GAD1: variants seen among roughly 807,000 people sequenced by gnomAD.
The protein encoded by GAD1 is 67 kDa glutamic acid decarboxylase.
In GAD1, 35 loss-of-function variants were observed where a neutral mutation model predicts 75.2. The ratio of observed to expected loss-of-function variants is 0.47; its 90% CI spans 0.36 to 0.62. The LOEUF (loss-of-function observed/expected upper bound fraction) is 0.62, where lower values mean the gene tolerates loss of function less well. Ranked by LOEUF, GAD1 falls within the 20% of genes least tolerant of loss-of-function variation. The pLI is 0.00. For synonymous variants in GAD1, 257 were observed against 271.9 expected (o/e 0.95, Z 0.54); for missense variants, 490 against 758.5 (o/e 0.65, Z 4.16).
chr2:170,822,712 A>G (rs1701921886), intron 3 of GAD1, among the ~76,000 whole-genome samples: 1 of 152,214 alleles, frequency 6.6e-6, no homozygotes, highest in Non-Finnish European at 1.5e-5. Context: ...TTGCCCTGAG[A>G]TGTCATAACG....
intron 15 of GAD1, 137 bp downstream of exon 15, chr2:170,857,262 CT>C (rs1402904634): frequency 3.0e-6 from 2 of 660,594 alleles, no homozygotes; most frequent in Non-Finnish European, 5.4e-6. Flanking sequence ...CTTATACACT[CT>C]TAATTCCTCT....
chr2:170,845,862 A>G, intron 9 of GAD1, 77 bp downstream of exon 9: 1 of 1,500,920 alleles, frequency 6.7e-7, no homozygotes, highest in Non-Finnish European at 9.3e-7. Context: ...TATTGTGCTT[A>G]AGGACTGGCT....
At chr2:170,815,704 A>G (rs1300870329), upstream of GAD1, among the ~76,000 whole-genome samples, 1 of 152,206 alleles carries the variant, frequency 6.6e-6, no homozygotes, top group Admixed American at 6.5e-5. Context: ...ACGCACAGAC[A>G]TCAACATTTT....
At chr2:170,817,221 A>AG (rs1559264470) in intron 1 of GAD1, 173 bp downstream of exon 1, 1 of 10,484 alleles carries the variant, frequency 9.5e-5, no homozygotes, top group Admixed American at 1.2e-3. Flanking sequence ...TGCGCTGCGC[A>AG]GGGACCCCCC....
At chr2:170,822,639 C>T (rs1701919433) in intron 3 of GAD1, among the ~76,000 whole-genome samples, 1 of 152,284 alleles carries the variant, frequency 6.6e-6, no homozygotes, top group African/African-American at 2.4e-5. Context: ...GCCTACCCCT[C>T]ACTCGCACCT....
At chr2:170,824,489 T>A (rs1701978180) in intron 3 of GAD1, among the ~76,000 whole-genome samples, 1 of 151,786 alleles carries the variant, frequency 6.6e-6, no homozygotes, top group Admixed American at 6.6e-5. Flanking sequence ...CCAGGTTGGT[T>A]TACCCTTTCA....
chr2:170,818,431 G>C lies in GAD1; in HGVS notation c.-63-98G>C. 2 of 721,218 alleles carry C rather than the reference G, an allele frequency of 2.8e-6. No individual in the cohort carries two copies. Among genetic ancestry groups the C allele is most frequent in the South Asian group, 3.1e-5 (2 of 65,490 alleles). The allele number at this position is 721,218 out of a possible 1,614,324, so 44.7% of individuals were successfully genotyped here. ...CCTCCCTCTTGTCTCTCCAGAGCCGGATCTTCAAGGGGAGCCTCCGTGCCC... is the reference window on the plus strand; with the variant it reads ...CCTCCCTCTTGTCTCTCCAGAGCCGCATCTTCAAGGGGAGCCTCCGTGCCC... On this transcript the variant is annotated intron_variant, in intron 1 of 16. Transcript: ENST00000358196. The surrounding 1 kb of genome is among the most constrained non-coding windows in gnomAD (Gnocchi z 5.9).
chr2:170,823,547 C>G (rs1313066312), intron 3 of GAD1, among the ~76,000 whole-genome samples: 1 of 152,190 alleles, frequency 6.6e-6, no homozygotes, highest in Non-Finnish European at 1.5e-5. Context: ...GGCCTTCTCC[C>G]CAGCGCAGGA....
chr2:170,830,901 A>C, intron 4 of GAD1, 49 bp from the exon 5 acceptor site: 1 of 1,613,662 alleles, frequency 6.2e-7, no homozygotes, highest in Non-Finnish European at 8.5e-7. Context: ...GGCTGAAGAA[A>C]TCTAGATATG....
chr2:170,856,203 G>A (rs1384795729), intron 14 of GAD1, among the ~76,000 whole-genome samples: 1 of 152,196 alleles, frequency 6.6e-6, no homozygotes, highest in Non-Finnish European at 1.5e-5. Context: ...TGCTCTCCTT[G>A]TTAACACCGA....
upstream of GAD1, among the ~76,000 whole-genome samples, chr2:170,814,030 C>A (rs778957356): frequency 6.6e-6 from 1 of 152,146 alleles, no homozygotes; most frequent in Non-Finnish European, 1.5e-5. Context: ...ATCACCGGTT[C>A]GAGTCCCCGG....
chr2:170,860,031 T>G lies in GAD1; in HGVS notation c.*149T>G, dbSNP rs1002002135. The G allele has an allele frequency of 2.5e-6, 2 of 797,936 alleles. No homozygotes were observed. The highest frequency in any genetic ancestry group is 3.4e-5 in the African/African-American group (2 of 58,294). The allele number at this position is 797,936 out of a possible 1,614,324, so 49.4% of individuals were successfully genotyped here. Reference sequence around the variant, plus strand: ...ATATTGTTAAAACCTTACTTAAAGCTTGTTTGTTCTAGTTAGCAGGAAATA... The same window carrying G: ...ATATTGTTAAAACCTTACTTAAAGCGTGTTTGTTCTAGTTAGCAGGAAATA... On this transcript the variant is annotated 3_prime_UTR_variant, in exon 17 of 17. Coordinates refer to ENST00000358196, the MANE Select transcript of GAD1 (RefSeq NM_000817.3).
intron 3 of GAD1, among the ~76,000 whole-genome samples, chr2:170,827,620 G>C (rs1340348219): frequency 6.6e-6 from 1 of 152,194 alleles, no homozygotes; most frequent in Non-Finnish European, 1.5e-5. Context: ...CCGAGGGGCA[G>C]AGGTGAGGCA....
At chr2:170,857,694 A>G (rs910152005) in intron 15 of GAD1, among the ~76,000 whole-genome samples, 8 of 152,240 alleles carry the variant, frequency 5.3e-5, no homozygotes, top group African/African-American at 1.9e-4. Context: ...GACTTGTTCT[A>G]AAATAAGGTT....
intron 3 of GAD1, among the ~76,000 whole-genome samples, chr2:170,824,654 G>A (rs1701982048): frequency 6.6e-6 from 1 of 152,132 alleles, no homozygotes; most frequent in East Asian, 1.9e-4. Flanking sequence ...AAGCTGCAAG[G>A]AAGGCCCTGG....
intron 16 of GAD1, 72 bp from the exon 17 acceptor site, chr2:170,859,637 T>C (rs1702919138): frequency 2.7e-6 from 4 of 1,454,570 alleles, no homozygotes; most frequent in Non-Finnish European, 1.9e-6. Flanking sequence ...AAAATGCAAG[T>C]TGGGTTGAAT....
At chr2:170,823,260 G>A (rs1437886156) in intron 3 of GAD1, among the ~76,000 whole-genome samples, 1 of 152,200 alleles carries the variant, frequency 6.6e-6, no homozygotes, top group Non-Finnish European at 1.5e-5. Flanking sequence ...CCGGAGCGCC[G>A]AGAGCCGCCC....
At chr2:170,842,544 CCTT>C (rs1702539945) in intron 6 of GAD1, 1 of 1,610,128 alleles carries the variant, frequency 6.2e-7, no homozygotes, top group Non-Finnish European at 8.5e-7. Flanking sequence ...AACCAGGAAT[CCTT>C]CTCTTCTTCT....
chr2:170,816,657 T>G (rs933030473), upstream of GAD1: 5 of 151,988 alleles, frequency 3.3e-5, no homozygotes, highest in Non-Finnish European at 5.9e-5. Context: ...CGTTCTGGAT[T>G]ACTCATAAGA....
Sources: allele counts gnomAD v4.1 joint callset (sites outside exome capture counted in the v4.1 genomes callset), GRCh38; gene constraint gnomAD v4.1.1; non-coding constraint Gnocchi (gnomAD v3.1); transcripts MANE v1.5; gene names NCBI Gene and HGNC (gene_info 2026-07-23, HGNC 2026-07-21).